Variants in PBX3 observed in about 807,000 individuals in gnomAD.
PBX3 encodes PBX homeobox 3, also known as pre-B-cell leukemia transcription factor 3.
Under a neutral mutation model 48.5 loss-of-function variants are expected in PBX3, and 14 were observed. The ratio of observed to expected loss-of-function variants is 0.29; its 90% CI spans 0.19 to 0.45. The LOEUF is 0.45. Ranked by LOEUF, PBX3 falls within the 20% of genes least tolerant of loss-of-function variation. The probability of loss-of-function intolerance (pLI) is 1.00; values close to 1 mark genes in which losing one functional copy is unlikely to be tolerated. For missense variants in PBX3, 386 were observed against 546.7 expected (o/e 0.71, Z 2.93); for synonymous variants, 210 against 200.3 (o/e 1.05, Z -0.41).
At chr9:125,800,183 C>T (rs1194190836) in intron 2 of PBX3, among the ~76,000 whole-genome samples, 1 of 152,148 alleles carries the variant, frequency 6.6e-6, no homozygotes, top group Non-Finnish European at 1.5e-5. Context: ...AGATGTTCCA[C>T]TTCAAAGAAA....
intron 2 of PBX3, among the ~76,000 whole-genome samples, chr9:125,832,097 A>G (rs1161627803): frequency 2.0e-5 from 3 of 152,156 alleles, no homozygotes; most frequent in African/African-American, 7.2e-5. Flanking sequence ...TAGATTTTAT[A>G]TTTATATATC....
chr9:125,748,327 T>A, intron 1 of PBX3: 1 of 1,225,954 alleles, frequency 8.2e-7, no homozygotes, highest in Non-Finnish European at 1.0e-6. Context: ...GGCTGCTGCC[T>A]GCCGGGCAGA....
intron 2 of PBX3, among the ~76,000 whole-genome samples, chr9:125,880,957 G>A (rs1840367847): frequency 6.6e-6 from 1 of 152,184 alleles, no homozygotes; most frequent in African/African-American, 2.4e-5. Flanking sequence ...CTGCATTTAG[G>A]TGTATTGTGC....
At position 125,747,501 on chromosome 9, in the gene PBX3, G is replaced by T; in HGVS notation, c.48G>T (p.Leu16=). The T allele has an allele frequency of 6.3e-7, 1 of 1,587,988 alleles. No homozygotes were observed. Among genetic ancestry groups the T allele is most frequent in the Non-Finnish European group, 8.6e-7 (1 of 1,168,590 alleles). Residue 16 remains leucine (L), a synonymous_variant, in exon 1 of 9, where the codon CTG becomes CTT. Coordinates refer to ENST00000373489, the MANE Select transcript of PBX3 (RefSeq NM_006195.6). ...RMLQTLAGVN[L]AGHSVQGGMA... is the part of the protein sequence containing the mutation. ...TGCAGACTCTGGCCGGGGTGAACCT[G>T]GCTGGCCACTCGGTGCAGGGGGGCA...
intron 2 of PBX3, among the ~76,000 whole-genome samples, chr9:125,871,120 C>T (rs138581797): frequency 1.6e-4 from 25 of 151,910 alleles, no homozygotes; most frequent in African/African-American, 5.1e-4. Context: ...AAAAATAGGC[C>T]GGATGCAGTG....
chr9:125,963,247 C>G lies in PBX3; in HGVS notation c.1212+146C>G, dbSNP rs1156616986. ...TTTGCTGCACTTTTATTTTAAGAAC[C>G]TAAATGCTTGATGCCGTCTAGATAC... On this transcript the variant is annotated intron_variant, in intron 8 of 8. Transcript: ENST00000373489. The G allele has an allele frequency of 4.8e-5, 25 of 521,180 alleles. No homozygotes were observed. In the East Asian group the frequency reaches 7.4e-4, roughly 15 times the overall value. 32.3% of individuals were successfully genotyped at this position (521,180 alleles called of 1,614,324 possible).
At chr9:125,861,868 G>A (rs2132291603) in intron 2 of PBX3, among the ~76,000 whole-genome samples, 1 of 152,316 alleles carries the variant, frequency 6.6e-6, no homozygotes, top group East Asian at 1.9e-4. Context: ...GAGAGAGGGT[G>A]ATGAAAATGT....
chr9:125,955,950 G>A (rs1842299122), intron 5 of PBX3, among the ~76,000 whole-genome samples: 1 of 152,212 alleles, frequency 6.6e-6, no homozygotes. Context: ...GCATTTCGCA[G>A]TTGGTTATTT....
At chr9:125,880,071 G>T (rs1306544937) in intron 2 of PBX3, among the ~76,000 whole-genome samples, 1 of 152,198 alleles carries the variant, frequency 6.6e-6, no homozygotes, top group African/African-American at 2.4e-5. Context: ...TTGAGACAGA[G>T]TCTCACTCTG....
intron 3 of PBX3, among the ~76,000 whole-genome samples, chr9:125,919,740 CTG>C (rs775161030): frequency 6.6e-6 from 1 of 152,208 alleles, no homozygotes; most frequent in African/African-American, 2.4e-5. Context: ...TATCTGAAGA[CTG>C]TTTAGATTTA....
intron 2 of PBX3, among the ~76,000 whole-genome samples, chr9:125,793,057 TA>T (rs1277680313): frequency 6.6e-6 from 1 of 151,712 alleles, no homozygotes. Context: ...TGATAAGTTT[TA>T]AAAAAATATA....
At chr9:125,955,429 A>T (rs976314894) in intron 5 of PBX3, among the ~76,000 whole-genome samples, 1 of 152,066 alleles carries the variant, frequency 6.6e-6, no homozygotes, top group Non-Finnish European at 1.5e-5. Context: ...TTTTCTGTAG[A>T]ATAGGTTTCT....
chr9:125,954,493 AAAG>A (rs903211113), intron 5 of PBX3, among the ~76,000 whole-genome samples: 2 of 152,198 alleles, frequency 1.3e-5, no homozygotes, highest in Non-Finnish European at 2.9e-5. Context: ...TCAAGAACAA[AAAG>A]AAGAGCATAA....
At chr9:125,849,974 AT>A (rs1839534699) in intron 2 of PBX3, among the ~76,000 whole-genome samples, 1 of 152,014 alleles carries the variant, frequency 6.6e-6, no homozygotes, top group Non-Finnish European at 1.5e-5. Flanking sequence ...ATTACGTATT[AT>A]GTACTTTGTG....
intron 2 of PBX3, among the ~76,000 whole-genome samples, chr9:125,903,335 C>G (rs563094394): frequency 1.1e-4 from 16 of 151,928 alleles, no homozygotes; most frequent in African/African-American, 3.4e-4. Flanking sequence ...AAACAAAAAA[C>G]TCAATGACAG....
In PBX3 at chr9:125,943,498, CCTTTGCCTT is replaced by C. The variant is rs1020734864; in HGVS notation, c.843+7896_843+7904del. On this transcript the variant is annotated intron_variant, in intron 5 of 8. Coordinates refer to ENST00000373489, the MANE Select transcript of PBX3 (RefSeq NM_006195.6). The stretch of plus-strand genomic sequence containing the variant: ...AACTGTGGTTCCTCCATTTTTGTCC[CCTTTGCCTT>C]CTTTTACCTATTCCTTCTCTTCTTC... Among the ~76,000 whole-genome samples the C allele has an allele frequency of 5.3e-5, 8 of 151,514 alleles. No homozygotes were observed. The South Asian group carries it at 8.4e-4, about 16-fold the overall frequency.
chr9:125,935,725 G>C (rs948616332), intron 5 of PBX3, 118 bp downstream of exon 5: 22 of 1,010,316 alleles, frequency 2.2e-5, no homozygotes, highest in Admixed American at 5.7e-5. Flanking sequence ...AAAGATATAA[G>C]GAAAATGTAG....
At chr9:125,902,478 G>C (rs1840970365) in intron 2 of PBX3, among the ~76,000 whole-genome samples, 2 of 151,694 alleles carry the variant, frequency 1.3e-5, no homozygotes, top group Non-Finnish European at 3.0e-5. Context: ...TTCTTTCACA[G>C]AGTAAGGCTT....
chr9:125,913,189 C>T (rs909717736), intron 2 of PBX3, among the ~76,000 whole-genome samples: 4 of 151,950 alleles, frequency 2.6e-5, no homozygotes, highest in African/African-American at 9.7e-5. Flanking sequence ...TACTTTTCAT[C>T]TAAAGAACTA....
Sources: gnomAD v4.1 joint callset for allele counts (sites outside exome capture counted in the v4.1 genomes callset) on GRCh38, gnomAD v4.1.1 for gene constraint, MANE v1.5 for transcripts, NCBI Gene and HGNC (gene_info 2026-07-23, HGNC 2026-07-21) for gene names.